Variants in EVL observed in about 807,000 individuals in gnomAD.
EVL encodes the protein ena/VASP-like protein.
A neutral mutation model predicts 59.6 loss-of-function variants in EVL; 21 were observed. That is an observed-to-expected ratio of 0.35 (90% CI 0.25 to 0.51). The LOEUF (loss-of-function observed/expected upper bound fraction) is 0.51. Among genes scored for constraint, EVL ranks in the 20% least tolerant of loss-of-function variants. The pLI, the probability that EVL is intolerant of heterozygous loss-of-function variation, is 0.97. For synonymous variants in EVL, 198 were observed against 203.5 expected (o/e 0.97, Z 0.23); for missense variants, 462 against 546.6 (o/e 0.85, Z 1.54).
chr14:100,084,002 T>C (rs959074914), intron 1 of EVL, among the ~76,000 whole-genome samples: 2 of 151,998 alleles, frequency 1.3e-5, no homozygotes, highest in African/African-American at 4.8e-5. Context: ...AATAGCTGCT[T>C]CATAAGTCAT....
chr14:99,997,862 G>C (rs1339780520), intron 1 of EVL, among the ~76,000 whole-genome samples: 2 of 151,990 alleles, frequency 1.3e-5, no homozygotes, highest in South Asian at 2.1e-4. Context: ...ACTCTATACA[G>C]TTCCCTTTCT....
intron 3 of EVL, among the ~76,000 whole-genome samples, chr14:100,100,532 G>A (rs1267904726): frequency 2.0e-5 from 3 of 152,104 alleles, no homozygotes; most frequent in African/African-American, 7.2e-5. Context: ...AGCACCAAAA[G>A]GCCCTCCCCG....
Position 99,983,653 on chromosome 14 carries a change from C to T in EVL, c.5+11596C>T, listed in dbSNP as rs112330047. ...CTTTTGTGGAGCTGTGTTTATTGCACTTATCTTCTCTTCTCCCTTCTCTCT... is the reference window on the plus strand; with the variant it reads ...CTTTTGTGGAGCTGTGTTTATTGCATTTATCTTCTCTTCTCCCTTCTCTCT... On this transcript the variant is annotated intron_variant, in intron 1 of 13. Transcript: ENST00000402714. Among the ~76,000 whole-genome samples, 5 of 152,272 alleles carry T rather than the reference C, an allele frequency of 3.3e-5. 1 individual carries two copies. The highest frequency in any genetic ancestry group is 1.2e-4 in the African/African-American group (5 of 41,554).
intron 3 of EVL, chr14:100,107,659 G>T (rs956838560): frequency 6.3e-5 from 12 of 190,838 alleles, no homozygotes; most frequent in Non-Finnish European, 1.1e-4. Flanking sequence ...ACTGGATTTT[G>T]ACTGTTTCTT....
At chr14:100,095,582 A>G (rs1433278096) in intron 2 of EVL, among the ~76,000 whole-genome samples, 1 of 152,298 alleles carries the variant, frequency 6.6e-6, no homozygotes, top group East Asian at 1.9e-4. Flanking sequence ...CTTTTGGTTT[A>G]GCTGTGTGTG....
chr14:99,979,194 A>T (rs1252061380), intron 1 of EVL, among the ~76,000 whole-genome samples: 1 of 152,142 alleles, frequency 6.6e-6, no homozygotes, highest in Non-Finnish European at 1.5e-5. Flanking sequence ...CATACCTAAA[A>T]GATTTACAGA....
At chr14:100,009,205 T>G (rs1432735320) in intron 1 of EVL, among the ~76,000 whole-genome samples, 2 of 152,226 alleles carry the variant, frequency 1.3e-5, no homozygotes, top group African/African-American at 2.4e-5. Context: ...TGGTCAAGCA[T>G]TGGTACCTAG....
chr14:99,987,997 C>A (rs1246018361), intron 1 of EVL, among the ~76,000 whole-genome samples: 1 of 139,386 alleles, frequency 7.2e-6, no homozygotes, highest in East Asian at 2.3e-4. Flanking sequence ...TCACCACTAT[C>A]TCTGCCCCCT....
upstream of EVL, among the ~76,000 whole-genome samples, chr14:100,063,662 A>G (rs965216054): frequency 6.6e-6 from 1 of 152,232 alleles, no homozygotes; most frequent in Non-Finnish European, 1.5e-5. Context: ...ACAGCAACAA[A>G]AAGTAACAAG....
intron 1 of EVL, among the ~76,000 whole-genome samples, chr14:99,983,536 C>T (rs1329633386): frequency 6.6e-6 from 1 of 152,212 alleles, no homozygotes; most frequent in Non-Finnish European, 1.5e-5. Context: ...CACCCTTCTC[C>T]AGTCCTTTTC....
rs1024457855 is a variant in EVL at position 99,972,399 on chromosome 14, C to T, written c.5+342C>T. Among the ~76,000 whole-genome samples, 1 of 152,084 alleles carries T rather than the reference C, an allele frequency of 6.6e-6. No individual in the cohort carries two copies. Among genetic ancestry groups the T allele is most frequent in the African/African-American group, 2.4e-5 (1 of 41,428 alleles). On this transcript the variant is annotated intron_variant, in intron 1 of 13. Transcript: ENST00000402714. The surrounding 1 kb of genome is among the most constrained non-coding windows in gnomAD (Gnocchi z 4.4). The stretch of plus-strand genomic sequence containing the variant: ...GGCAGACCCCCGCGGGCAGGTGTGG[C>T]CGTGTCCCGACCGCGCGAGGACCGA...
In EVL at chr14:100,114,763, A is replaced by G. The variant is rs1047455640; in HGVS notation, c.359-8776A>G. The stretch of plus-strand genomic sequence containing the variant: ...CCCCTCTCTCTCCTCCCTGCTCCTC[A>G]TGGGCCTCTCCTTTCACTCCCACCT... On this transcript the variant is annotated intron_variant, in intron 3 of 13. Coordinates refer to ENST00000392920, the MANE Select transcript of EVL (RefSeq NM_016337.3). The surrounding 1 kb of genome is among the most constrained non-coding windows in gnomAD (Gnocchi z 5.0). Among the ~76,000 whole-genome samples, 2 of 152,102 alleles carry G rather than the reference A, an allele frequency of 1.3e-5. No homozygotes were observed. The highest frequency in any genetic ancestry group is 4.8e-5 in the African/African-American group (2 of 41,434).
intron 8 of EVL, chr14:100,134,957 C>T (rs566225833): frequency 1.3e-5 from 2 of 152,336 alleles, no homozygotes; most frequent in African/African-American, 4.8e-5. Flanking sequence ...CCCTTTTAAG[C>T]AGGGAGGGTT....
rs1488601517 is a variant in EVL at position 100,095,480 on chromosome 14, G to T, written c.181-2001G>T. On this transcript the variant is annotated intron_variant, in intron 2 of 13. Transcript: ENST00000392920. ...TTAACTTTGCTGGTTCTTATTATTT[G>T]GTAGTTATTAGTTACTAGTTATTAT... 2.6e-5 allele frequency among the ~76,000 whole-genome samples: 4 copies of T among 152,106 alleles called. No homozygotes were observed. The East Asian group carries it at 7.7e-4, about 29-fold the overall frequency.
intron 1 of EVL, among the ~76,000 whole-genome samples, chr14:100,040,894 A>G (rs188921312): frequency 1.3e-3 from 197 of 152,322 alleles, no homozygotes; most frequent in African/African-American, 4.6e-3. Context: ...AATGGTAGTT[A>G]TTAGCACATT....
intron 1 of EVL, among the ~76,000 whole-genome samples, chr14:100,034,017 G>A (rs1231753098): frequency 6.6e-6 from 1 of 151,838 alleles, no homozygotes; most frequent in East Asian, 1.9e-4. Context: ...CCTGAGGTCA[G>A]GAGTTCAAGA....
chr14:100,092,209 T>A (rs117770178), intron 2 of EVL, among the ~76,000 whole-genome samples: 2,381 of 152,150 alleles, frequency 0.016, 30 homozygotes, highest in Middle Eastern at 0.041. Flanking sequence ...GCCAGTGCAC[T>A]CCAGTGTGGG....
intron 1 of EVL, among the ~76,000 whole-genome samples, chr14:100,028,608 C>T (rs2061260246): frequency 6.6e-6 from 1 of 152,064 alleles, no homozygotes; most frequent in South Asian, 2.1e-4. Flanking sequence ...GTCAAGAGAT[C>T]AGCGCCATCC....
At chr14:100,002,459 C>T (rs984822989) in intron 1 of EVL, among the ~76,000 whole-genome samples, 3 of 152,122 alleles carry the variant, frequency 2.0e-5, no homozygotes, top group Non-Finnish European at 2.9e-5. Context: ...ATTATTACTG[C>T]TAATAGGCAC....
Sources: allele counts gnomAD v4.1 joint callset (sites outside exome capture counted in the v4.1 genomes callset), GRCh38; gene constraint gnomAD v4.1.1; non-coding constraint Gnocchi (gnomAD v3.1); transcripts MANE v1.5; gene names NCBI Gene and HGNC (gene_info 2026-07-23, HGNC 2026-07-21).